Variants in APLF observed in about 807,000 individuals in gnomAD.
The protein encoded by APLF is aprataxin and PNKP like factor, also known as aprataxin and PNK-like factor.
Under a neutral mutation model 55.6 loss-of-function variants are expected in APLF, and 61 were observed. The observed-to-expected ratio is 1.10, with a 90% CI of 0.89 to 1.36. The LOEUF is 1.36. Ranked by LOEUF, APLF falls within the 40% of genes most tolerant of loss-of-function variation. APLF has a pLI of 0.00. For missense variants in APLF, 611 were observed against 602.5 expected, an observed-to-expected ratio of 1.01 and a Z score of -0.15; for synonymous variants, 207 against 214.8, an observed-to-expected ratio of 0.96 and a Z score of 0.32.
chr2:68,472,531 A>G (rs1341218915), intron 1 of APLF, among the ~76,000 whole-genome samples: 1 of 152,038 alleles, frequency 6.6e-6, no homozygotes, highest in Admixed American at 6.6e-5. Context: ...TAATAATCAG[A>G]GCTTAGTCCT....
chr2:68,495,879 A>G lies in APLF; in HGVS notation c.168+5618A>G, dbSNP rs190924133. Among the ~76,000 whole-genome samples the G allele has an allele frequency of 1.6e-3, 247 of 152,294 alleles. 1 individual carries two copies. Among genetic ancestry groups the G allele is most frequent in the African/African-American group, 5.6e-3 (232 of 41,568 alleles). On this transcript the variant is annotated intron_variant, in intron 2 of 9. Coordinates refer to ENST00000303795, the MANE Select transcript of APLF (RefSeq NM_173545.3). ...CCTCCAAAATGGCAGCTCAAGCTGTATGTGGGGTCCTTTGAGCCATGGCTG... is the reference window on the plus strand; with the variant it reads ...CCTCCAAAATGGCAGCTCAAGCTGTGTGTGGGGTCCTTTGAGCCATGGCTG...
chr2:68,484,232 A>G (rs1230671311), intron 1 of APLF, among the ~76,000 whole-genome samples: 1 of 152,126 alleles, frequency 6.6e-6, no homozygotes. Flanking sequence ...TATAATCTTC[A>G]TATCTTAAAA....
At chr2:68,485,970 C>T (rs982467913) in intron 1 of APLF, among the ~76,000 whole-genome samples, 2 of 151,880 alleles carry the variant, frequency 1.3e-5, no homozygotes, top group African/African-American at 4.8e-5. Context: ...CACATGCCAC[C>T]CTGTCCAACT....
chr2:68,482,357 C>T (rs1558527329), intron 1 of APLF, among the ~76,000 whole-genome samples: 1 of 151,998 alleles, frequency 6.6e-6, no homozygotes, highest in South Asian at 2.1e-4. Flanking sequence ...TCAGCTGTAA[C>T]CCATATTAGT....
Position 68,490,253 on chromosome 2 carries a change from A to T in APLF, c.160A>T (p.Ile54Phe). 6.2e-7 allele frequency: 1 copy of T among 1,612,098 alleles called. No individual in the cohort carries two copies. Among genetic ancestry groups the T allele is most frequent in the Non-Finnish European group, 8.5e-7 (1 of 1,179,348 alleles). ...ILEVAGGQLR[I>F]KPIHTNPCFY... Reference sequence around the variant, plus strand: ...TGAGGTGGCAGGTGGTCAGCTGCGAATCAAACCGGTAAATATGTTATTAAT... The same window carrying T: ...TGAGGTGGCAGGTGGTCAGCTGCGATTCAAACCGGTAAATATGTTATTAAT... The change falls in exon 2 of 10, where the codon ATC (isoleucine) becomes TTC (phenylalanine). Residue 54 changes from isoleucine to phenylalanine, a missense_variant. Ile to Phe is a conservative substitution (Grantham distance 21). Transcript: ENST00000303795.
intron 1 of APLF, among the ~76,000 whole-genome samples, chr2:68,488,074 A>C (rs1050411229): frequency 6.6e-6 from 1 of 152,166 alleles, no homozygotes; most frequent in Non-Finnish European, 1.5e-5. Context: ...TCCTGAAAAA[A>C]TACAGTTTAA....
chr2:68,530,051 A>T (rs928424583), intron 6 of APLF, among the ~76,000 whole-genome samples: 1 of 152,116 alleles, frequency 6.6e-6, no homozygotes, highest in Non-Finnish European at 1.5e-5. Flanking sequence ...CCCTGACCTG[A>T]CTGGATGCAC....
At chr2:68,468,473 C>T (rs1573133210) in intron 1 of APLF, among the ~76,000 whole-genome samples, 1 of 152,082 alleles carries the variant, frequency 6.6e-6, no homozygotes, top group Non-Finnish European at 1.5e-5. Context: ...GTCTCAAGAC[C>T]GTATCAGTTA....
At chr2:68,541,698 A>C (rs1670555765) in intron 7 of APLF, among the ~76,000 whole-genome samples, 1 of 152,346 alleles carries the variant, frequency 6.6e-6, no homozygotes, top group South Asian at 2.1e-4. Flanking sequence ...AGCCATAGAC[A>C]GCACAGGCAG....
chr2:68,502,591 G>T, intron 2 of APLF, 140 bp from the exon 3 acceptor site: 1 of 456,964 alleles, frequency 2.2e-6, no homozygotes, highest in Non-Finnish European at 3.5e-6. Context: ...AAACTTTTAA[G>T]TCTAAGTTTA....
chr2:68,502,679 A>G (rs1676758614), intron 2 of APLF, 52 bp from the exon 3 acceptor site: 1 of 1,082,352 alleles, frequency 9.2e-7, no homozygotes, highest in Non-Finnish European at 1.2e-6. Context: ...TTACAACATT[A>G]TTGTATTATA....
chr2:68,565,522 C>G (rs112923182), intron 8 of APLF, among the ~76,000 whole-genome samples: 122 of 124,118 alleles, frequency 9.8e-4, no homozygotes, highest in African/African-American at 3.3e-3. Flanking sequence ...TAGATACATA[C>G]ATACATACAT....
intron 1 of APLF, among the ~76,000 whole-genome samples, chr2:68,489,154 A>G (rs1573164550): frequency 6.6e-6 from 1 of 152,194 alleles, no homozygotes; most frequent in African/African-American, 2.4e-5. Flanking sequence ...TACTGTCTAT[A>G]TGTTACAGCC....
rs768465240 is a variant in APLF, at chr2:68,526,068, A to G, written c.630A>G (p.Val210=). ...LSVPAISGGN[V]IQGSGKEEIC... ...TTTCTTTATGTGTTTAAGGTAATGTAATCCAGGGAAGTGGAAAAGAAGAAA... is the reference window on the plus strand; with the variant it reads ...TTTCTTTATGTGTTTAAGGTAATGTGATCCAGGGAAGTGGAAAAGAAGAAA... The change falls in exon 6 of 10, where the codon GTA becomes GTG. Residue 210 remains valine, a synonymous_variant. Transcript: ENST00000303795. 6 of 1,611,946 alleles carry G rather than the reference A, an allele frequency of 3.7e-6. No individual in the cohort carries two copies. In the South Asian group the frequency reaches 6.6e-5, roughly 18 times the overall value.
At chr2:68,536,306 TC>T (rs1670384020) in intron 6 of APLF, among the ~76,000 whole-genome samples, 1 of 152,222 alleles carries the variant, frequency 6.6e-6, no homozygotes, top group African/African-American at 2.4e-5. Context: ...GTTCCTTTTT[TC>T]AAGGCAGTTA....
chr2:68,577,352 G>A (rs1056526507), intron 9 of APLF, among the ~76,000 whole-genome samples: 13 of 152,114 alleles, frequency 8.5e-5, no homozygotes, highest in African/African-American at 2.9e-4. Flanking sequence ...CTCTATCTGG[G>A]ACATGCTGTT....
At chr2:68,513,411 C>G in intron 4 of APLF, 137 bp from the exon 5 acceptor site, 7 of 1,259,360 alleles carry the variant, frequency 5.6e-6, no homozygotes, top group Non-Finnish European at 3.3e-6. Context: ...GAAATAATTT[C>G]TTTGTTCAAG....
chr2:68,513,501 A>T (rs200849191), intron 4 of APLF, 47 bp from the exon 5 acceptor site: 1 of 1,595,974 alleles, frequency 6.3e-7, no homozygotes, highest in Non-Finnish European at 8.5e-7. Flanking sequence ...TTGCAAATTC[A>T]TTCAAGATGT....
chr2:68,545,125 T>A, intron 7 of APLF, 62 bp from the exon 8 acceptor site: 1 of 1,581,872 alleles, frequency 6.3e-7, no homozygotes. Flanking sequence ...TCCTGCTATA[T>A]CCACTAAAAA....
Sources: gnomAD v4.1 joint callset for allele counts (sites outside exome capture counted in the v4.1 genomes callset) on GRCh38, gnomAD v4.1.1 for gene constraint, MANE v1.5 for transcripts, NCBI Gene and HGNC (gene_info 2026-07-23, HGNC 2026-07-21) for gene names.